MBNL1: variants seen among roughly 807,000 people sequenced by gnomAD.
The protein encoded by MBNL1 is muscleblind like splicing regulator 1.
A neutral mutation model predicts 42.2 loss-of-function variants in MBNL1; 8 were observed. The observed-to-expected ratio is 0.19, with a 90% CI of 0.11 to 0.34. The LOEUF (loss-of-function observed/expected upper bound fraction) is 0.34, where lower values mean the gene tolerates loss of function less well. MBNL1 is among the 10% of genes least tolerant of loss of function. The pLI is 1.00. For missense variants in MBNL1, 309 were observed against 495.3 expected (o/e 0.62, Z 3.57); for synonymous variants, 169 against 173.9 (o/e 0.97, Z 0.22).
chr3:152,392,986 C>A (rs16864250), intron 2 of MBNL1, among the ~76,000 whole-genome samples: 9,036 of 152,130 alleles, frequency 0.059, 803 homozygotes, highest in East Asian at 0.31. Flanking sequence ...TGCGTTGGAT[C>A]CTAAGTTTCT....
At chr3:152,362,354 A>G (rs1012824100) in intron 2 of MBNL1, among the ~76,000 whole-genome samples, 1 of 152,206 alleles carries the variant, frequency 6.6e-6, no homozygotes, top group African/African-American at 2.4e-5. Flanking sequence ...TGGTTTGCGC[A>G]GATGTCAAAA....
chr3:152,445,320 A>G lies in MBNL1; in HGVS notation c.588A>G (p.Gly196=). ...ACCAACGTGGCAATTGCAACCGAGG[A>G]GAAAATGATTGTCGGTTTGCTCATC... ...REYQRGNCNR[G]ENDCRFAHPA... Residue 196 remains glycine (G), a synonymous_variant, in exon 5 of 10, where the codon GGA becomes GGG. Transcript: ENST00000324210. 6.2e-7 allele frequency: 1 copy of G among 1,614,152 alleles called. No homozygotes were observed. The highest frequency in any genetic ancestry group is 8.5e-7 in the Non-Finnish European group (1 of 1,179,986).
At chr3:152,437,777 C>CTTT (rs5853584) in intron 4 of MBNL1, among the ~76,000 whole-genome samples, 3 of 145,384 alleles carry the variant, frequency 2.1e-5, no homozygotes, top group Non-Finnish European at 1.5e-5. Flanking sequence ...AAAATTCATA[C>CTTT]TTTTTTTTTT....
chr3:152,340,620 C>T lies in MBNL1; in HGVS notation c.174+40253C>T, dbSNP rs2092915118. The T allele has an allele frequency of 2.5e-6, 4 of 1,613,962 alleles. No individual in the cohort carries two copies. In the East Asian group the frequency reaches 6.7e-5, roughly 27 times the overall value. On this transcript the variant is annotated intron_variant, in intron 2 of 9. Coordinates refer to ENST00000324210, the MANE Select transcript of MBNL1 (RefSeq NM_021038.5). ...CAAGTTTGGAAACTATCAGCAGGCA[C>T]CTGCAACTAAACCCACAAGCGTAAA...
At chr3:152,417,971 A>T (rs1269740207) in intron 3 of MBNL1, among the ~76,000 whole-genome samples, 1 of 152,208 alleles carries the variant, frequency 6.6e-6, no homozygotes, top group Non-Finnish European at 1.5e-5. Context: ...TACATTTAAT[A>T]TCTTCAGAGC....
chr3:152,411,781 A>G (rs1349825167), intron 2 of MBNL1, among the ~76,000 whole-genome samples: 3 of 152,182 alleles, frequency 2.0e-5, no homozygotes, highest in Non-Finnish European at 2.9e-5. Context: ...ACCTGGTGAA[A>G]CTTACAAACC....
At chr3:152,275,740 T>C (rs923172815) in intron 1 of MBNL1, among the ~76,000 whole-genome samples, 2 of 141,430 alleles carry the variant, frequency 1.4e-5, no homozygotes, top group Non-Finnish European at 3.1e-5. Flanking sequence ...AAAAGGCTAA[T>C]GTTTATACCA....
chr3:152,427,224 A>G (rs955878582), intron 3 of MBNL1, among the ~76,000 whole-genome samples: 7 of 152,202 alleles, frequency 4.6e-5, no homozygotes, highest in Admixed American at 1.3e-4. Flanking sequence ...ATACCTTTCT[A>G]CTAGGAAGTC....
At chr3:152,416,399 G>T (rs2098702883) in intron 3 of MBNL1, among the ~76,000 whole-genome samples, 1 of 152,154 alleles carries the variant, frequency 6.6e-6, no homozygotes, top group African/African-American at 2.4e-5. Context: ...AATTTCACAT[G>T]GCTGTATTAG....
chr3:152,404,434 G>T (rs1016750766), intron 2 of MBNL1, among the ~76,000 whole-genome samples: 1 of 152,120 alleles, frequency 6.6e-6, no homozygotes, highest in Non-Finnish European at 1.5e-5. Context: ...CTGAATAAGT[G>T]TTATCACTTT....
intron 1 of MBNL1, among the ~76,000 whole-genome samples, chr3:152,276,922 G>A (rs921451783): frequency 6.6e-6 from 1 of 152,094 alleles, no homozygotes; most frequent in African/African-American, 2.4e-5. Context: ...ATGAAAAGGA[G>A]GACATGTATG....
intron 2 of MBNL1, among the ~76,000 whole-genome samples, chr3:152,321,707 C>G (rs1365976406): frequency 6.6e-6 from 1 of 151,968 alleles, no homozygotes; most frequent in Non-Finnish European, 1.5e-5. Flanking sequence ...TAGATCAAGC[C>G]TGGTGTCCCT....
At chr3:152,350,424 T>C (rs958992536) in intron 2 of MBNL1, among the ~76,000 whole-genome samples, 1 of 152,102 alleles carries the variant, frequency 6.6e-6, no homozygotes, top group African/African-American at 2.4e-5. Context: ...TAGACAACTC[T>C]ATAAAGAAAT....
At chr3:152,279,080 T>C (rs990217156) in intron 1 of MBNL1, among the ~76,000 whole-genome samples, 2 of 152,052 alleles carry the variant, frequency 1.3e-5, no homozygotes, top group African/African-American at 4.8e-5. Flanking sequence ...TTTCGGAATA[T>C]GGAGTGACAT....
At chr3:152,308,867 G>A (rs2151950104) in intron 2 of MBNL1, among the ~76,000 whole-genome samples, 1 of 151,732 alleles carries the variant, frequency 6.6e-6, no homozygotes, top group East Asian at 1.9e-4. Context: ...GAGACCGGTT[G>A]TAAAAACTCA....
intron 2 of MBNL1, among the ~76,000 whole-genome samples, chr3:152,385,044 T>C (rs1464174651): frequency 6.6e-6 from 1 of 152,108 alleles, no homozygotes; most frequent in Admixed American, 6.6e-5. Flanking sequence ...CAAGAGAGAT[T>C]ATACATCCCT....
At chr3:152,320,727 GA>G (rs1296198976) in intron 2 of MBNL1, among the ~76,000 whole-genome samples, 7 of 138,350 alleles carry the variant, frequency 5.1e-5, no homozygotes, top group Non-Finnish European at 9.3e-5. Context: ...CGAGAATATT[GA>G]AAAGAGTTTT....
At chr3:152,371,549 T>A (rs1014421360) in intron 2 of MBNL1, among the ~76,000 whole-genome samples, 1 of 152,126 alleles carries the variant, frequency 6.6e-6, no homozygotes, top group Non-Finnish European at 1.5e-5. Flanking sequence ...TGAGCCGAGA[T>A]CTTGCCATCA....
upstream of MBNL1, chr3:152,265,510 CA>C (rs2037085304): frequency 1.3e-5 from 2 of 152,196 alleles, no homozygotes; most frequent in Admixed American, 1.3e-4. Context: ...ACAATTCACA[CA>C]GGCACTCACA....
Sources: allele counts gnomAD v4.1 joint callset (sites outside exome capture counted in the v4.1 genomes callset), GRCh38; gene constraint gnomAD v4.1.1; transcripts MANE v1.5; gene names NCBI Gene and HGNC (gene_info 2026-07-23, HGNC 2026-07-21).